AFF3: variants seen among roughly 807,000 people sequenced by gnomAD.
AFF3 encodes the protein ALF transcription elongation factor 3.
AFF3 carries 32 observed loss-of-function variants against 129.7 expected under a neutral mutation model. The ratio of observed to expected loss-of-function variants is 0.25; its 90% CI spans 0.19 to 0.33. AFF3 has a LOEUF of 0.33. Ranked by LOEUF, AFF3 falls within the 10% of genes least tolerant of loss-of-function variation. The pLI is 1.00. For synonymous variants in AFF3, 644 were observed against 635.4 expected (o/e 1.01, Z -0.20); for missense variants, 1,373 against 1,592.0 (o/e 0.86, Z 2.34).
At chr2:99,895,095 ACTT>A (rs1442345357) in intron 7 of AFF3, among the ~76,000 whole-genome samples, 1 of 152,180 alleles carries the variant, frequency 6.6e-6, no homozygotes, top group African/African-American at 2.4e-5. Context: ...GATTTACTGA[ACTT>A]CTTCTGTATA....
chr2:99,670,442 T>C (rs927884482), intron 12 of AFF3, among the ~76,000 whole-genome samples: 1 of 152,212 alleles, frequency 6.6e-6, no homozygotes, highest in African/African-American at 2.4e-5. Flanking sequence ...TAAAATATTT[T>C]GGGTTTACGG....
chr2:99,988,736 T>G (rs1680088702), intron 7 of AFF3, among the ~76,000 whole-genome samples: 1 of 152,108 alleles, frequency 6.6e-6, no homozygotes, highest in Admixed American at 6.5e-5. Flanking sequence ...CTGACATCCC[T>G]CGGCACTGGG....
At chr2:99,913,121 T>C (rs1695219157) in intron 7 of AFF3, among the ~76,000 whole-genome samples, 1 of 152,208 alleles carries the variant, frequency 6.6e-6, no homozygotes. Context: ...GAGAAGGAAG[T>C]AATTTAATGA....
At chr2:99,959,284 G>C (rs1676976405) in intron 7 of AFF3, among the ~76,000 whole-genome samples, 2 of 141,764 alleles carry the variant, frequency 1.4e-5, no homozygotes, top group Non-Finnish European at 3.0e-5. Flanking sequence ...ACAGGGTGTT[G>C]AGCACCACCA....
At chr2:99,908,411 G>C (rs973428659) in intron 7 of AFF3, among the ~76,000 whole-genome samples, 15 of 152,138 alleles carry the variant, frequency 9.9e-5, no homozygotes, top group African/African-American at 3.6e-4. Context: ...CAGGACATAG[G>C]CATGGGCAAG....
rs1037013747 is a variant in AFF3 at position 99,989,287 on chromosome 2, C to G, written c.873+17345G>C. ...GAGATACACACTGTAATCACAGAGCCCACAGAAGAAGTCATCTGAATAAAG... is the reference window on the plus strand; with the variant it reads ...GAGATACACACTGTAATCACAGAGCGCACAGAAGAAGTCATCTGAATAAAG... On this transcript the variant is annotated intron_variant, in intron 7 of 24. Transcript: ENST00000672756. 2.0e-5 allele frequency among the ~76,000 whole-genome samples: 3 copies of G among 152,186 alleles called. No homozygotes were observed. In the South Asian group the frequency reaches 6.2e-4, roughly 32 times the overall value.
At chr2:99,955,955 T>C (rs1676603649) in intron 7 of AFF3, among the ~76,000 whole-genome samples, 1 of 152,180 alleles carries the variant, frequency 6.6e-6, no homozygotes, top group South Asian at 2.1e-4. Flanking sequence ...AATATATTTT[T>C]ATACTGACAA....
intron 7 of AFF3, among the ~76,000 whole-genome samples, chr2:99,968,593 C>T (rs1455901565): frequency 6.6e-6 from 1 of 152,134 alleles, no homozygotes; most frequent in Non-Finnish European, 1.5e-5. Context: ...TTTGGTACAA[C>T]TAGGAGTTGA....
chr2:99,568,950 G>A lies in AFF3; in HGVS notation c.2919-35C>T, dbSNP rs200053588. 50 of 1,573,744 alleles carry A rather than the reference G, an allele frequency of 3.2e-5. No individual in the cohort carries two copies. The African/African-American group carries it at 6.6e-4, about 21-fold the overall frequency. ...GAGAATGATATTAAACGTCATTATG[G>A]CTTAAGTGCAACGTCTTTTTAAAAT... On this transcript the variant is annotated intron_variant, in intron 18 of 24. Transcript: ENST00000672756.
Position 99,593,370 on chromosome 2 carries a change from C to A in AFF3, c.2291G>T (p.Arg764Met). Reference sequence around the variant, plus strand: ...CAGGTCGATTTTGACCCAGAGAGACCTGATCTCATCACTGTCCTTTAGAGG... The same window carrying A: ...CAGGTCGATTTTGACCCAGAGAGACATGATCTCATCACTGTCCTTTAGAGG... ...LSPLKDSDEI[R>M]SLWVKIDLTL... The change falls in exon 15 of 25, where the codon AGG becomes ATG. Residue 764 changes from arginine to methionine, a missense_variant. Arg to Met is a moderately conservative substitution (Grantham distance 91). Transcript: ENST00000672756. 6.2e-7 allele frequency: 1 copy of A among 1,614,044 alleles called. No homozygotes were observed. The highest frequency in any genetic ancestry group is 1.7e-5 in the Admixed American group (1 of 60,014).
intron 9 of AFF3, among the ~76,000 whole-genome samples, chr2:99,751,203 C>T (rs1053565454): frequency 2.0e-5 from 3 of 152,212 alleles, no homozygotes; most frequent in Non-Finnish European, 4.4e-5. Context: ...AAGTGATCCT[C>T]CTGCCTCAGC....
intron 13 of AFF3, among the ~76,000 whole-genome samples, chr2:99,648,909 A>ACTCTCTCTCTCTCTCTCTCTCTCTCT (rs1553416890): frequency 2.6e-4 from 11 of 43,072 alleles, no homozygotes; most frequent in African/African-American, 6.9e-4. Context: ...ACACACACAC[A>ACTCTCTCTCTCTCTCTCTCTCTCTCT]CACACACACT....
chr2:99,820,189 A>G (rs1009784375), intron 8 of AFF3, among the ~76,000 whole-genome samples: 9 of 152,172 alleles, frequency 5.9e-5, no homozygotes, highest in African/African-American at 1.9e-4. Context: ...GTGCACTTAC[A>G]CAAACCTGGG....
At chr2:100,136,632 G>C (rs1692651782) in intron 1 of AFF3, among the ~76,000 whole-genome samples, 1 of 152,100 alleles carries the variant, frequency 6.6e-6, no homozygotes, top group Non-Finnish European at 1.5e-5. Flanking sequence ...GGAGCTATGT[G>C]ACCGCTGAAG....
In AFF3 at chr2:100,140,709, A is replaced by T. The variant is rs1692828776; in HGVS notation, c.-228+1775T>A. Among the ~76,000 whole-genome samples, 4 of 152,286 alleles carry T rather than the reference A, an allele frequency of 2.6e-5. No individual in the cohort carries two copies. In the East Asian group the frequency reaches 7.7e-4, roughly 29 times the overall value. ...TGCCTATTTCCTGGTTTGCTGTACA[A>T]GATGTGTATGAGTACATGTCATCAA... On this transcript the variant is annotated intron_variant, in intron 1 of 24. Coordinates refer to ENST00000672756, the MANE Select transcript of AFF3 (RefSeq NM_001386135.1).
chr2:99,947,633 T>C (rs140497483), intron 7 of AFF3, among the ~76,000 whole-genome samples: 7,617 of 143,172 alleles, frequency 0.053, 792 homozygotes, highest in African/African-American at 0.2. Context: ...GATAGATAGA[T>C]AGATAGATAG....
intron 8 of AFF3, among the ~76,000 whole-genome samples, chr2:99,817,289 C>T (rs1455048440): frequency 6.6e-6 from 1 of 152,210 alleles, no homozygotes; most frequent in African/African-American, 2.4e-5. Flanking sequence ...CAGCCTTTAG[C>T]AATTTGTTTA....
chr2:99,644,067 C>A (rs1471094836), intron 13 of AFF3, among the ~76,000 whole-genome samples: 1 of 152,190 alleles, frequency 6.6e-6, no homozygotes, highest in Non-Finnish European at 1.5e-5. Context: ...CCCCACAGAG[C>A]ATGCTGGATG....
At chr2:100,026,690 G>T (rs915716965) in intron 4 of AFF3, among the ~76,000 whole-genome samples, 1 of 143,094 alleles carries the variant, frequency 7.0e-6, no homozygotes, top group Non-Finnish European at 1.5e-5. Context: ...AACTGTGATT[G>T]ATATATATAA....
Sources: gnomAD v4.1 joint callset for allele counts (sites outside exome capture counted in the v4.1 genomes callset) on GRCh38, gnomAD v4.1.1 for gene constraint, MANE v1.5 for transcripts, NCBI Gene and HGNC (gene_info 2026-07-23, HGNC 2026-07-21) for gene names.